REEP5: variants seen among roughly 807,000 people sequenced by gnomAD.
The protein encoded by REEP5 is receptor expression-enhancing protein 5.
Under a neutral mutation model 22.4 loss-of-function variants are expected in REEP5, and 24 were observed. The observed-to-expected ratio is 1.07, with a 90% CI of 0.78 to 1.51. The LOEUF is 1.51. REEP5 is among the 40% of genes most tolerant of loss of function. The pLI is 0.00. For synonymous variants in REEP5, 103 were observed against 88.6 expected (o/e 1.16, Z -0.92); for missense variants, 252 against 233.0 (o/e 1.08, Z -0.53).
intron 2 of REEP5, among the ~76,000 whole-genome samples, chr5:112,913,037 C>T (rs891425201): frequency 6.6e-6 from 1 of 152,198 alleles, no homozygotes; most frequent in African/African-American, 2.4e-5. Context: ...GGCACAGTGG[C>T]TCATGTCTGT....
intron 1 of REEP5, chr5:112,921,470 C>T: frequency 1.7e-6 from 1 of 583,074 alleles, no homozygotes; most frequent in South Asian, 2.0e-5. Flanking sequence ...CACCATTGTG[C>T]CTCTCCTACC....
At chr5:112,901,288 CAAG>C (rs757496041) in intron 3 of REEP5, among the ~76,000 whole-genome samples, 12 of 151,966 alleles carry the variant, frequency 7.9e-5, no homozygotes, top group African/African-American at 1.5e-4. Context: ...GAAACAAGGA[CAAG>C]AAGAAGAGAG....
At chr5:112,895,602 A>G (rs1397304562) in intron 3 of REEP5, 1 of 152,214 alleles carries the variant, frequency 6.6e-6, no homozygotes, top group African/African-American at 2.4e-5. Context: ...GTCTTGAGAC[A>G]GTAAAATAAT....
intron 2 of REEP5, among the ~76,000 whole-genome samples, chr5:112,905,945 A>G (rs1768948179): frequency 6.6e-6 from 1 of 152,158 alleles, no homozygotes; most frequent in African/African-American, 2.4e-5. Flanking sequence ...TTCTGATTAG[A>G]CTTCCTTGTC....
At position 112,902,461 on chromosome 5, in the gene REEP5, C is replaced by A; in HGVS notation, c.270G>T (p.Trp90Cys). The change falls in exon 3 of 5, where the codon TGG (tryptophan) becomes TGT (cysteine). Residue 90 changes from tryptophan to cysteine, a missense_variant. Physicochemically the swap from Trp to Cys is radical, Grantham distance 215. Coordinates refer to ENST00000379638, the MANE Select transcript of REEP5 (RefSeq NM_005669.5). ...KEDDTQWLTYWVVYGVFSIAE... is the reference protein window; with the variant it reads ...KEDDTQWLTYCVVYGVFSIAE... ...CAATGCTGAACACACCATACACTAC[C>A]CAGTAGGTCAGCCACTGGGTATCAT... 1.2e-6 allele frequency: 2 copies of A among 1,612,200 alleles called. No homozygotes were observed. The highest frequency in any genetic ancestry group is 1.1e-5 in the South Asian group (1 of 90,720).
intron 2 of REEP5, among the ~76,000 whole-genome samples, chr5:112,910,727 T>C (rs937303833): frequency 6.6e-6 from 1 of 152,240 alleles, no homozygotes; most frequent in Non-Finnish European, 1.5e-5. Flanking sequence ...ATGGTAACAC[T>C]GCTGCTTCAA....
rs761628216 is a variant in REEP5, at chr5:112,878,759, G to A, written c.*27C>T. The A allele has an allele frequency of 3.0e-5, 49 of 1,613,902 alleles. No individual in the cohort carries two copies. Among genetic ancestry groups the A allele is most frequent in the Admixed American group, 1.3e-4 (8 of 59,986 alleles). Reference sequence around the variant, plus strand: ...AAGCTCCAGTAGGAAGGTACAGAGAGGGCAGGAAGTTTCCATCCAGTCTGG... The same window carrying A: ...AAGCTCCAGTAGGAAGGTACAGAGAAGGCAGGAAGTTTCCATCCAGTCTGG... On this transcript the variant is annotated 3_prime_UTR_variant, in exon 5 of 5. Transcript: ENST00000379638.
chr5:112,912,485 TA>T (rs1008316829), intron 2 of REEP5, among the ~76,000 whole-genome samples: 1 of 152,188 alleles, frequency 6.6e-6, no homozygotes, highest in African/African-American at 2.4e-5. Context: ...TTTATCCATA[TA>T]TATGGATAAA....
At chr5:112,916,884 T>C (rs963787277) in intron 2 of REEP5, among the ~76,000 whole-genome samples, 1 of 152,226 alleles carries the variant, frequency 6.6e-6, no homozygotes, top group Non-Finnish European at 1.5e-5. Flanking sequence ...AATAGGGTTG[T>C]TCTGAGGATT....
chr5:112,877,167 C>G lies in REEP5; in HGVS notation c.*1619G>C, dbSNP rs979384383. On this transcript the variant is annotated 3_prime_UTR_variant, in exon 5 of 5. Transcript: ENST00000379638. Reference sequence around the variant, plus strand: ...CCGGTAATCACCACTGTTTTCCTCCCCAAAATAAATGCTCTGATCCATATT... The same window carrying G: ...CCGGTAATCACCACTGTTTTCCTCCGCAAAATAAATGCTCTGATCCATATT... 1 of 152,096 alleles carries G rather than the reference C, an allele frequency of 6.6e-6. No individual in the cohort carries two copies. The highest frequency in any genetic ancestry group is 1.5e-5 in the Non-Finnish European group (1 of 68,004). The allele number at this position is 152,096 out of a possible 1,614,324, so 9.4% of individuals were successfully genotyped here. A position where few individuals can be genotyped will look rare whatever the true frequency, so the allele number is the denominator to read the frequency against.
intron 3 of REEP5, among the ~76,000 whole-genome samples, chr5:112,900,844 T>C (rs1197017198): frequency 1.3e-5 from 2 of 151,784 alleles, no homozygotes; most frequent in Non-Finnish European, 2.9e-5. Flanking sequence ...TATATTTCTT[T>C]TTTTTTTTTT....
At chr5:112,883,604 A>G (rs1054431437) in intron 4 of REEP5, among the ~76,000 whole-genome samples, 45 of 152,132 alleles carry the variant, frequency 3.0e-4, no homozygotes, top group African/African-American at 1.1e-3. Context: ...TCGTGATCTC[A>G]TCTAGTCTCA....
At chr5:112,902,190 G>A (rs1321720739) in intron 3 of REEP5, among the ~76,000 whole-genome samples, 190 bp downstream of exon 3, 1 of 146,894 alleles carries the variant, frequency 6.8e-6, no homozygotes, top group Admixed American at 6.8e-5. Flanking sequence ...GGGAGGCTGA[G>A]GCAAGTGGCT....
At position 112,901,078 on chromosome 5, in the gene REEP5, A is replaced by G. The variant is rs140792872; in HGVS notation, c.351+1302T>C. ...GGTCTCGAACTCCTGAGCTCAGGCCATCTGCCCGCCTCGGCCTCCCAAAGT... is the reference window on the plus strand; with the variant it reads ...GGTCTCGAACTCCTGAGCTCAGGCCGTCTGCCCGCCTCGGCCTCCCAAAGT... On this transcript the variant is annotated intron_variant, in intron 3 of 4. Coordinates refer to ENST00000379638, the MANE Select transcript of REEP5 (RefSeq NM_005669.5). Among the ~76,000 whole-genome samples, 1,383 of 152,124 alleles carry G rather than the reference A, an allele frequency of 9.1e-3. 22 individuals carry two copies. The highest frequency in any genetic ancestry group is 0.032 in the African/African-American group (1,330 of 41,492).
intron 1 of REEP5, chr5:112,921,520 G>A (rs760294217): frequency 7.0e-5 from 37 of 530,886 alleles, no homozygotes; most frequent in Non-Finnish European, 1.2e-4. Context: ...GCAACCCCCG[G>A]CGCCCGGGAC....
chr5:112,881,674 C>T (rs984915864), intron 4 of REEP5, among the ~76,000 whole-genome samples: 6 of 152,180 alleles, frequency 3.9e-5, no homozygotes, highest in Non-Finnish European at 7.3e-5. Flanking sequence ...GAGTAGCCTT[C>T]CCTTTCCCTG....
intron 3 of REEP5, chr5:112,892,766 A>C (rs779666578): frequency 6.2e-6 from 10 of 1,613,994 alleles, no homozygotes; most frequent in Non-Finnish European, 8.5e-6. Context: ...GGCCACCACG[A>C]CCACTACTAC....
intron 4 of REEP5, 84 bp downstream of exon 4, chr5:112,886,931 C>T (rs1425801557): frequency 5.7e-6 from 6 of 1,044,642 alleles, no homozygotes; most frequent in Admixed American, 2.2e-5. Context: ...GGTGATAAGA[C>T]AAGAAGGCCA....
Position 112,898,150 on chromosome 5 carries a change from G to A in REEP5, c.351+4230C>T, listed in dbSNP as rs567614094. 2.6e-5 allele frequency: 4 copies of A among 152,326 alleles called. No individual in the cohort carries two copies. The East Asian group carries it at 7.7e-4, about 29-fold the overall frequency. 9.4% of individuals were successfully genotyped at this position (152,326 alleles called of 1,614,324 possible). A position where few individuals can be genotyped will look rare whatever the true frequency, so the allele number is the denominator to read the frequency against. ...CATGCGATTGCAACAGCATAGGTAA[G>A]ATGGATTCTAGTCCCTAAAATTCAA... On this transcript the variant is annotated intron_variant, in intron 3 of 4. Transcript: ENST00000379638.
Sources: allele counts gnomAD v4.1 joint callset (sites outside exome capture counted in the v4.1 genomes callset), GRCh38; gene constraint gnomAD v4.1.1; transcripts MANE v1.5; gene names NCBI Gene and HGNC (gene_info 2026-07-23, HGNC 2026-07-21).